The following PRKD1 variants were observed in gnomAD, a reference collection of about 807,000 sequenced individuals.
PRKD1 encodes serine/threonine-protein kinase D1.
A neutral mutation model predicts 95.9 loss-of-function variants in PRKD1; 63 were observed. The ratio of observed to expected loss-of-function variants is 0.66; its 90% CI spans 0.54 to 0.81. The LOEUF (loss-of-function observed/expected upper bound fraction) is 0.81, where lower values mean the gene tolerates loss of function less well. Ranked by LOEUF, PRKD1 falls within the 30% of genes least tolerant of loss-of-function variation. The probability of loss-of-function intolerance (pLI) is 0.00; values close to 1 mark genes in which losing one functional copy is unlikely to be tolerated. For synonymous variants in PRKD1, 425 were observed against 423.1 expected (o/e 1.00, Z -0.05); for missense variants, 1,048 against 1,165.3 (o/e 0.90, Z 1.47).
intron 2 of PRKD1, among the ~76,000 whole-genome samples, chr14:29,686,341 A>C: frequency 6.6e-6 from 1 of 152,188 alleles, no homozygotes; most frequent in South Asian, 2.1e-4. Context: ...GACCACAGGC[A>C]GTGTGTCAGT....
At chr14:29,578,471 A>T in intron 16 of PRKD1, 111 bp from the exon 17 acceptor site, 2 of 562,900 alleles carry the variant, frequency 3.6e-6, no homozygotes, top group Non-Finnish European at 5.1e-6. Flanking sequence ...GCATAGTGAC[A>T]AGGCACTAGA....
chr14:29,599,087 G>A lies in PRKD1; in HGVS notation c.2106C>T (p.Ile702=), dbSNP rs760731300. 5.6e-6 allele frequency: 9 copies of A among 1,613,690 alleles called. No homozygotes were observed. The highest frequency in any genetic ancestry group is 2.2e-5 in the East Asian group (1 of 44,840). The change falls in exon 15 of 18, where the codon ATC becomes ATT. Residue 702 remains isoleucine (I), a synonymous_variant. Coordinates refer to ENST00000331968, the MANE Select transcript of PRKD1 (RefSeq NM_002742.3). ...VALRHLHFKN[I]VHCDLKPENV... The stretch of plus-strand genomic sequence containing the variant: ...TTTCTGGTTTGAGGTCACAGTGAAC[G>A]ATATTTTTAAAATGAAGGTGCCGCA...
intron 2 of PRKD1, among the ~76,000 whole-genome samples, chr14:29,703,984 G>T (rs1442926436): frequency 6.6e-6 from 1 of 152,122 alleles, no homozygotes; most frequent in South Asian, 2.1e-4. Context: ...TGGATTCTGA[G>T]AATCAAAACA....
intron 1 of PRKD1, among the ~76,000 whole-genome samples, chr14:29,783,111 T>C (rs1246702377): frequency 6.6e-6 from 1 of 152,188 alleles, no homozygotes. Context: ...TCCTTCTCTC[T>C]AGCTGTGTGT....
chr14:29,808,373 C>CCTT (rs1890330764), intron 1 of PRKD1, among the ~76,000 whole-genome samples: 1 of 19,974 alleles, frequency 5.0e-5, no homozygotes, highest in East Asian at 1.6e-3. Flanking sequence ...TCAGGCTCTA[C>CCTT]TTTTTTTTTT....
At chr14:29,689,223 A>C (rs913267657) in intron 2 of PRKD1, among the ~76,000 whole-genome samples, 1 of 151,990 alleles carries the variant, frequency 6.6e-6, no homozygotes, top group Non-Finnish European at 1.5e-5. Context: ...AATCTGACAA[A>C]GGGGTAATAT....
At chr14:29,731,076 C>G (rs1886411099) in intron 1 of PRKD1, among the ~76,000 whole-genome samples, 1 of 152,090 alleles carries the variant, frequency 6.6e-6, no homozygotes. Context: ...AGCCATTCCA[C>G]AATGTATACA....
At chr14:29,860,785 A>G (rs919824061) in intron 1 of PRKD1, among the ~76,000 whole-genome samples, 1 of 152,180 alleles carries the variant, frequency 6.6e-6, no homozygotes, top group Non-Finnish European at 1.5e-5. Flanking sequence ...TTCATAGATA[A>G]GGAAACAGAT....
intron 1 of PRKD1, among the ~76,000 whole-genome samples, chr14:29,778,680 T>A (rs1003314308): frequency 2.0e-5 from 3 of 152,128 alleles, no homozygotes; most frequent in African/African-American, 7.2e-5. Context: ...CAGGACCAGA[T>A]GGATTCACAG....
chr14:29,678,335 T>C (rs563879052), intron 2 of PRKD1, among the ~76,000 whole-genome samples: 3 of 152,302 alleles, frequency 2.0e-5, no homozygotes, highest in East Asian at 1.9e-4. Context: ...GCCTAGTGAA[T>C]ACTAAATGCT....
intron 1 of PRKD1, among the ~76,000 whole-genome samples, chr14:29,834,992 T>C (rs1333977452): frequency 6.9e-6 from 1 of 145,124 alleles, no homozygotes; most frequent in Non-Finnish European, 1.5e-5. Context: ...AGACCTGGGT[T>C]TTTTTTTCTC....
chr14:29,614,794 G>T (rs1321141805), intron 13 of PRKD1, among the ~76,000 whole-genome samples: 1 of 150,930 alleles, frequency 6.6e-6, no homozygotes, highest in Non-Finnish European at 1.5e-5. Context: ...TGCCTCCAAG[G>T]TTCTCGTGCT....
intron 1 of PRKD1, among the ~76,000 whole-genome samples, chr14:29,797,364 A>G (rs1025173708): frequency 2.0e-5 from 3 of 152,244 alleles, no homozygotes; most frequent in Non-Finnish European, 2.9e-5. Flanking sequence ...AATAAAACAG[A>G]GCAATAGTAA....
intron 1 of PRKD1, among the ~76,000 whole-genome samples, chr14:29,919,868 A>C (rs762523220): frequency 2.6e-5 from 4 of 152,086 alleles, no homozygotes; most frequent in Admixed American, 2.0e-4. Flanking sequence ...CGGGAGGCTG[A>C]GGTGGGAGAA....
At chr14:29,828,539 TCCTTGACTAACACAAGG>T (rs1247199146) in intron 1 of PRKD1, among the ~76,000 whole-genome samples, 11 of 152,122 alleles carry the variant, frequency 7.2e-5, no homozygotes, top group Non-Finnish European at 1.0e-4. Context: ...TATTCTATTC[TCCTTGACTAACACAAGG>T]CCTTGTTAGT....
intron 1 of PRKD1, among the ~76,000 whole-genome samples, chr14:29,903,553 C>G (rs998541827): frequency 1.3e-5 from 2 of 152,146 alleles, no homozygotes; most frequent in African/African-American, 4.8e-5. Flanking sequence ...CTTCCAGAAC[C>G]AAGCACCTAA....
At chr14:29,773,857 T>C (rs1888617962) in intron 1 of PRKD1, among the ~76,000 whole-genome samples, 1 of 152,196 alleles carries the variant, frequency 6.6e-6, no homozygotes, top group Non-Finnish European at 1.5e-5. Flanking sequence ...TTAATAAAAA[T>C]AAGCGATTAT....
In PRKD1 at chr14:29,733,792, G is replaced by C. The variant is rs1203060426; in HGVS notation, c.265-8118C>G. ...GGATTACAATTCAAGATGAGATTTGGTTGGGGACACAAAGCCTAACCATAT... is the reference window on the plus strand; with the variant it reads ...GGATTACAATTCAAGATGAGATTTGCTTGGGGACACAAAGCCTAACCATAT... On this transcript the variant is annotated intron_variant, in intron 1 of 17. Transcript: ENST00000331968. Among the ~76,000 whole-genome samples, 4 of 151,986 alleles carry C rather than the reference G, an allele frequency of 2.6e-5. No individual in the cohort carries two copies. In the East Asian group the frequency reaches 7.7e-4, roughly 29 times the overall value.
intron 1 of PRKD1, among the ~76,000 whole-genome samples, chr14:29,778,060 A>C (rs1888855985): frequency 6.6e-6 from 1 of 152,232 alleles, no homozygotes; most frequent in Admixed American, 6.5e-5. Context: ...TAGATAACTA[A>C]ATGAAAGCAG....
Sources: gnomAD v4.1 joint callset for allele counts (sites outside exome capture counted in the v4.1 genomes callset) on GRCh38, gnomAD v4.1.1 for gene constraint, MANE v1.5 for transcripts, NCBI Gene and HGNC (gene_info 2026-07-23, HGNC 2026-07-21) for gene names.